GRIK2: variants seen among roughly 807,000 people sequenced by gnomAD.
GRIK2 encodes the protein glutamate receptor ionotropic, kainate 2.
A neutral mutation model predicts 100.3 loss-of-function variants in GRIK2; 32 were observed. The observed-to-expected ratio is 0.32, with a 90% CI of 0.24 to 0.43. The LOEUF is 0.43. Ranked by LOEUF, GRIK2 falls within the 20% of genes least tolerant of loss-of-function variation. The probability of loss-of-function intolerance (pLI) is 1.00; values close to 1 mark genes in which losing one functional copy is unlikely to be tolerated. For synonymous variants in GRIK2, 417 were observed against 389.4 expected (o/e 1.07, Z -0.83); for missense variants, 843 against 1,114.9 (o/e 0.76, Z 3.47).
chr6:101,879,500 G>A (rs1021156969), intron 11 of GRIK2, among the ~76,000 whole-genome samples: 3 of 151,868 alleles, frequency 2.0e-5, no homozygotes, highest in South Asian at 4.2e-4. Flanking sequence ...GTGTCCTTAC[G>A]GAAGACTCAT....
intron 16 of GRIK2, among the ~76,000 whole-genome samples, chr6:102,062,990 C>T (rs1164298424): frequency 6.6e-6 from 1 of 150,536 alleles, no homozygotes; most frequent in African/African-American, 2.4e-5. Flanking sequence ...ATGTGACTTA[C>T]TATTCTTGGG....
At chr6:101,750,997 A>G (rs1260522767) in intron 7 of GRIK2, among the ~76,000 whole-genome samples, 1 of 152,210 alleles carries the variant, frequency 6.6e-6, no homozygotes, top group African/African-American at 2.4e-5. Context: ...AAAAAGTACT[A>G]TATTTTGAAG....
At chr6:101,789,450 T>C (rs1173057646) in intron 7 of GRIK2, among the ~76,000 whole-genome samples, 1 of 152,174 alleles carries the variant, frequency 6.6e-6, no homozygotes, top group Non-Finnish European at 1.5e-5. Context: ...CAGCACCATT[T>C]ATTAAATAGG....
At chr6:101,629,388 A>T (rs186437177) in intron 4 of GRIK2, among the ~76,000 whole-genome samples, 25 of 152,248 alleles carry the variant, frequency 1.6e-4, no homozygotes, top group Non-Finnish European at 2.9e-4. Context: ...ATGAATTTTG[A>T]TTATCAACTG....
chr6:102,035,008 C>T (rs767671012), intron 14 of GRIK2, among the ~76,000 whole-genome samples: 10 of 151,240 alleles, frequency 6.6e-5, no homozygotes, highest in Non-Finnish European at 1.0e-4. Flanking sequence ...AAGAGACAAG[C>T]ACAAAGAACT....
intron 14 of GRIK2, among the ~76,000 whole-genome samples, chr6:102,029,942 G>A (rs9498808): frequency 0.39 from 58,819 of 150,952 alleles, 12,213 homozygotes; most frequent in African/African-American, 0.54. Context: ...TATATATAAA[G>A]TTATCATAAT....
At chr6:101,853,190 TTCAAACCTC>T (rs1784239063) in intron 10 of GRIK2, among the ~76,000 whole-genome samples, 1 of 152,126 alleles carries the variant, frequency 6.6e-6, no homozygotes, top group African/African-American at 2.4e-5. Flanking sequence ...AAAACCTAGG[TTCAAACCTC>T]TTATTTTGTT....
At chr6:101,843,493 C>A (rs1783634251) in intron 10 of GRIK2, among the ~76,000 whole-genome samples, 1 of 152,142 alleles carries the variant, frequency 6.6e-6, no homozygotes, top group Admixed American at 6.5e-5. Context: ...ATTTGACCAG[C>A]TAAATAATTT....
At chr6:101,676,442 T>G (rs1770846158) in intron 4 of GRIK2, among the ~76,000 whole-genome samples, 181 bp from the exon 5 acceptor site, 2 of 152,122 alleles carry the variant, frequency 1.3e-5, no homozygotes, top group Non-Finnish European at 2.9e-5. Context: ...TCAAGAAAAT[T>G]ATGCGTTCTT....
intron 2 of GRIK2, among the ~76,000 whole-genome samples, chr6:101,486,384 G>A (rs544073079): frequency 4.6e-4 from 62 of 134,918 alleles, no homozygotes; most frequent in Non-Finnish European, 4.9e-5. Flanking sequence ...TGCATGAGGG[G>A]GTGGGGCGGG....
At chr6:101,545,443 TTTCTC>T (rs1256934256) in intron 2 of GRIK2, among the ~76,000 whole-genome samples, 1 of 152,216 alleles carries the variant, frequency 6.6e-6, no homozygotes, top group Non-Finnish European at 1.5e-5. Context: ...GGGAGTCTGT[TTTCTC>T]TTTTAAGTTG....
intron 2 of GRIK2, among the ~76,000 whole-genome samples, chr6:101,472,274 T>A (rs1327432667): frequency 6.6e-6 from 1 of 151,868 alleles, no homozygotes; most frequent in African/African-American, 2.4e-5. Flanking sequence ...TTCAAAGATG[T>A]CCTTTCCTTT....
intron 4 of GRIK2, among the ~76,000 whole-genome samples, chr6:101,645,416 A>G (rs1781479202): frequency 6.6e-6 from 1 of 151,878 alleles, no homozygotes; most frequent in Non-Finnish European, 1.5e-5. Context: ...GTGGGAAACT[A>G]CAATACATAA....
At chr6:101,992,144 G>A (rs185101768) in intron 14 of GRIK2, among the ~76,000 whole-genome samples, 252 of 151,540 alleles carry the variant, frequency 1.7e-3, no homozygotes, top group African/African-American at 5.8e-3. Flanking sequence ...TGTTAATTAA[G>A]AGAGAACTAT....
At chr6:101,921,795 G>A (rs957985084) in intron 12 of GRIK2, among the ~76,000 whole-genome samples, 2 of 151,942 alleles carry the variant, frequency 1.3e-5, no homozygotes, top group African/African-American at 2.4e-5. Flanking sequence ...AATTGAGAAA[G>A]AGGAAAAGCT....
chr6:101,682,465 C>T (rs1406288660), intron 5 of GRIK2, 88 bp from the exon 6 acceptor site: 3 of 718,412 alleles, frequency 4.2e-6, no homozygotes, highest in African/African-American at 3.6e-5. Flanking sequence ...TTCTTTATCA[C>T]ATCCTACTAT....
At chr6:101,458,317 A>G (rs894461049) in intron 2 of GRIK2, among the ~76,000 whole-genome samples, 10 of 152,188 alleles carry the variant, frequency 6.6e-5, no homozygotes, top group Admixed American at 2.6e-4. Flanking sequence ...AAAGCCATGA[A>G]CCAATCTCTT....
intron 10 of GRIK2, among the ~76,000 whole-genome samples, chr6:101,822,238 A>G (rs1191083293): frequency 6.6e-6 from 1 of 151,414 alleles, no homozygotes. Flanking sequence ...ACACACACAC[A>G]CACACAAACA....
intron 2 of GRIK2, among the ~76,000 whole-genome samples, chr6:101,467,631 A>T (rs1771715665): frequency 6.6e-6 from 1 of 152,202 alleles, no homozygotes; most frequent in Non-Finnish European, 1.5e-5. Context: ...AAAGAGGGCA[A>T]AAATTTGTGT....
Sources: allele counts gnomAD v4.1 joint callset (sites outside exome capture counted in the v4.1 genomes callset), GRCh38; gene constraint gnomAD v4.1.1; transcripts MANE v1.5; gene names NCBI Gene and HGNC (gene_info 2026-07-23, HGNC 2026-07-21).